The following GABRA1 variants were observed in gnomAD, a reference collection of about 807,000 sequenced individuals.
GABRA1 encodes the protein gamma-aminobutyric acid receptor subunit alpha-1.
Under a neutral mutation model 48.9 loss-of-function variants are expected in GABRA1, and 9 were observed. That is an observed-to-expected ratio of 0.18 (90% CI 0.11 to 0.32). The LOEUF is 0.32. Ranked by LOEUF, GABRA1 falls within the 10% of genes least tolerant of loss-of-function variation. The probability of loss-of-function intolerance (pLI) is 1.00; values close to 1 mark genes in which losing one functional copy is unlikely to be tolerated. For missense variants in GABRA1, 285 were observed against 553.8 expected, an observed-to-expected ratio of 0.51 and a Z score of 4.87; for synonymous variants, 210 against 198.7, an observed-to-expected ratio of 1.06 and a Z score of -0.48.
chr5:161,893,264 T>A (rs1042246574), intron 8 of GABRA1, among the ~76,000 whole-genome samples: 6 of 152,014 alleles, frequency 3.9e-5, no homozygotes, highest in Admixed American at 3.3e-4. Flanking sequence ...AACAGACTCA[T>A]GGCCTTTGAT....
intron 7 of GABRA1, among the ~76,000 whole-genome samples, chr5:161,885,167 C>T (rs1298802491): frequency 6.6e-6 from 1 of 152,152 alleles, no homozygotes; most frequent in Non-Finnish European, 1.5e-5. Context: ...AATGGAAGCT[C>T]AGTTTGATGT....
intron 3 of GABRA1, among the ~76,000 whole-genome samples, chr5:161,856,595 C>T (rs1757653516): frequency 6.6e-6 from 1 of 151,224 alleles, no homozygotes; most frequent in South Asian, 2.1e-4. Context: ...TTATTCTAAA[C>T]ATCCTATTGG....
intron 3 of GABRA1, 112 bp downstream of exon 3, chr5:161,854,382 A>C (rs781450375): frequency 1.4e-5 from 10 of 724,818 alleles, no homozygotes; most frequent in Non-Finnish European, 2.3e-5. Context: ...ATGTAATTTA[A>C]TGACAAATCT....
chr5:161,874,824 C>T (rs1022111840), intron 5 of GABRA1, among the ~76,000 whole-genome samples: 11 of 151,968 alleles, frequency 7.2e-5, no homozygotes, highest in Admixed American at 7.2e-4. Context: ...TATCAATTTC[C>T]TTATAATTCT....
intron 8 of GABRA1, among the ~76,000 whole-genome samples, chr5:161,891,284 T>C (rs1465162683): frequency 6.6e-6 from 1 of 152,208 alleles, no homozygotes; most frequent in Non-Finnish European, 1.5e-5. Context: ...TTTGATTTGA[T>C]ATTTTGAGGT....
At chr5:161,860,042 G>C (rs752844604) in intron 3 of GABRA1, among the ~76,000 whole-genome samples, 1 of 151,798 alleles carries the variant, frequency 6.6e-6, no homozygotes, top group East Asian at 1.9e-4. Flanking sequence ...CATTTCCACA[G>C]AAATACTGTA....
chr5:161,881,202 C>T (rs1243234209), intron 6 of GABRA1, among the ~76,000 whole-genome samples: 3 of 152,018 alleles, frequency 2.0e-5, no homozygotes, highest in Admixed American at 2.0e-4. Context: ...TACTATGATG[C>T]CTCCCCCTCA....
intron 6 of GABRA1, chr5:161,882,321 G>C (rs900503280): frequency 1.3e-5 from 7 of 552,740 alleles, no homozygotes; most frequent in South Asian, 4.1e-5. Context: ...CCCCAGCACA[G>C]TATTTTGTCC....
chr5:161,898,811 G>T lies in GABRA1; in HGVS notation c.*1389G>T, dbSNP rs1446662150. On this transcript the variant is annotated 3_prime_UTR_variant, in exon 10 of 10. Transcript: ENST00000393943. ...TTGCTAATACCAACTATTTCAATAA[G>T]TGTTGTACCATATGTAGCATTAAAT... The T allele has an allele frequency of 3.3e-5, 5 of 152,618 alleles. No homozygotes were observed. The highest frequency in any genetic ancestry group is 1.2e-4 in the African/African-American group (5 of 41,532). The allele number at this position is 152,618 out of a possible 1,614,324, so 9.5% of individuals were successfully genotyped here. A position where few individuals can be genotyped will look rare whatever the true frequency, so the allele number is the denominator to read the frequency against.
At position 161,891,901 on chromosome 5, in the gene GABRA1, C is replaced by T. The variant is rs552235211; in HGVS notation, c.856+851C>T. ...TAAAATCAAATGCTTTTATACTAGGCGCTATTCTATACAATTAGCCTGTAT... is the reference window on the plus strand; with the variant it reads ...TAAAATCAAATGCTTTTATACTAGGTGCTATTCTATACAATTAGCCTGTAT... On this transcript the variant is annotated intron_variant, in intron 8 of 9. Transcript: ENST00000393943. Among the ~76,000 whole-genome samples the T allele has an allele frequency of 3.9e-4, 59 of 152,180 alleles. 1 individual carries two copies. In the South Asian group the frequency reaches 3.9e-3, roughly 10 times the overall value.
At chr5:161,896,996 A>C (rs1432766968) in intron 9 of GABRA1, 115 bp from the exon 10 acceptor site, 1 of 878,118 alleles carries the variant, frequency 1.1e-6, no homozygotes, top group Admixed American at 2.2e-5. Context: ...ATGTTTTTAA[A>C]TTCCTAAATA....
upstream of GABRA1, chr5:161,847,376 A>G (rs1242225533): frequency 6.6e-6 from 1 of 152,194 alleles, no homozygotes; most frequent in Non-Finnish European, 1.5e-5. Context: ...TTATTAGTTA[A>G]ATATTCTTCG....
At position 161,850,898 on chromosome 5, in the gene GABRA1, T is replaced by C; in HGVS notation, c.74+14T>C. On this transcript the variant is annotated intron_variant, in intron 2 of 9. Coordinates refer to ENST00000393943, the MANE Select transcript of GABRA1 (RefSeq NM_001127644.2). ...GACTGGAAGAAGGTGGGGACACTTT[T>C]TTAAAAATCTGCATGAAAATTTCTG... is the stretch of plus-strand genomic sequence containing the variant. The C allele has an allele frequency of 6.2e-7, 1 of 1,605,898 alleles. No individual in the cohort carries two copies. Among genetic ancestry groups the C allele is most frequent in the East Asian group, 2.2e-5 (1 of 44,826 alleles).
chr5:161,893,631 G>T (rs567070041), intron 8 of GABRA1, among the ~76,000 whole-genome samples: 21 of 152,264 alleles, frequency 1.4e-4, no homozygotes, highest in Non-Finnish European at 2.8e-4. Flanking sequence ...GGTTTTCCAT[G>T]CTGTCTCTCA....
chr5:161,883,870 T>A (rs542878320), intron 7 of GABRA1, among the ~76,000 whole-genome samples: 1 of 152,144 alleles, frequency 6.6e-6, no homozygotes, highest in Admixed American at 6.6e-5. Context: ...CTTAAATGTT[T>A]ATGTGTTTTA....
intron 8 of GABRA1, among the ~76,000 whole-genome samples, chr5:161,894,815 T>G (rs1755285508): frequency 6.6e-6 from 1 of 152,162 alleles, no homozygotes; most frequent in Non-Finnish European, 1.5e-5. Flanking sequence ...GTAAGTAAAC[T>G]AAAATGGGCT....
rs920029056 is a variant in GABRA1 at position 161,898,846 on chromosome 5, A to G, written c.*1424A>G. 3.9e-5 allele frequency: 6 copies of G among 152,620 alleles called. No individual in the cohort carries two copies. The highest frequency in any genetic ancestry group is 7.4e-5 in the Non-Finnish European group (5 of 67,996). The allele number at this position is 152,620 out of a possible 1,614,324, so 9.5% of individuals were successfully genotyped here. On this transcript the variant is annotated 3_prime_UTR_variant, in exon 10 of 10. Transcript: ENST00000393943. The stretch of plus-strand genomic sequence containing the variant: ...ATATGTAGCATTAAATATAAAATAC[A>G]TAAAAGAATGTACAGAAAATAGCTT...
chr5:161,894,571 G>T (rs756276843), intron 8 of GABRA1, among the ~76,000 whole-genome samples: 4 of 152,116 alleles, frequency 2.6e-5, no homozygotes, highest in Non-Finnish European at 5.9e-5. Flanking sequence ...GCTAATAAGT[G>T]GTAGGATTGA....
At chr5:161,860,337 C>T (rs1388969426) in intron 3 of GABRA1, among the ~76,000 whole-genome samples, 3 of 151,764 alleles carry the variant, frequency 2.0e-5, no homozygotes, top group Non-Finnish European at 2.9e-5. Context: ...CCATGTTTGT[C>T]TTTCTGTGCC....
Sources: gnomAD v4.1 joint callset for allele counts (sites outside exome capture counted in the v4.1 genomes callset) on GRCh38, gnomAD v4.1.1 for gene constraint, MANE v1.5 for transcripts, NCBI Gene and HGNC (gene_info 2026-07-23, HGNC 2026-07-21) for gene names.